The following MTMR2 variants were observed in gnomAD, a reference collection of about 807,000 sequenced individuals.
MTMR2 encodes myotubularin related protein 2.
In MTMR2, 55 loss-of-function variants were observed where a neutral mutation model predicts 86.9. The ratio of observed to expected loss-of-function variants is 0.63; its 90% CI spans 0.51 to 0.79. The LOEUF (loss-of-function observed/expected upper bound fraction) is 0.79. MTMR2 is among the 30% of genes least tolerant of loss of function. MTMR2 has a pLI of 0.00. For missense variants in MTMR2, 659 were observed against 772.3 expected (o/e 0.85, Z 1.74); for synonymous variants, 241 against 266.8 (o/e 0.90, Z 0.94).
intron 11 of MTMR2, 139 bp from the exon 12 acceptor site, chr11:95,841,848 C>T: frequency 1.4e-6 from 1 of 709,942 alleles, no homozygotes; most frequent in East Asian, 2.7e-5. Context: ...GTAATCCCAA[C>T]ACTTTGGGAG....
chr11:95,845,937 C>T (rs1049093645), intron 10 of MTMR2, among the ~76,000 whole-genome samples: 1 of 146,334 alleles, frequency 6.8e-6, no homozygotes, highest in Non-Finnish European at 1.5e-5. Context: ...CTGCAATGGC[C>T]ATATTGTATT....
chr11:95,845,585 A>C (rs1863751726), intron 10 of MTMR2, among the ~76,000 whole-genome samples: 1 of 152,146 alleles, frequency 6.6e-6, no homozygotes, highest in Admixed American at 6.6e-5. Flanking sequence ...GAAAGCAATA[A>C]TACTGGATCT....
intron 12 of MTMR2, among the ~76,000 whole-genome samples, chr11:95,839,346 A>G (rs1863435909): frequency 6.6e-6 from 1 of 152,016 alleles, no homozygotes; most frequent in Admixed American, 6.6e-5. Context: ...TAAAAAATAA[A>G]TCCCACCTAT....
At chr11:95,865,757 G>T in intron 2 of MTMR2, 81 bp from the exon 3 acceptor site, 1 of 1,151,094 alleles carries the variant, frequency 8.7e-7, no homozygotes, top group Non-Finnish European at 1.3e-6. Flanking sequence ...GAGTATACTT[G>T]CTCTTGAAGT....
At chr11:95,856,510 T>G (rs1011672651) in intron 7 of MTMR2, among the ~76,000 whole-genome samples, 6 of 151,306 alleles carry the variant, frequency 4.0e-5, no homozygotes, top group African/African-American at 1.5e-4. Context: ...TTAGACCTTT[T>G]AGTTGACTCA....
rs555480785 is a variant in MTMR2, at chr11:95,857,134, A to G, written c.654+418T>C. Among the ~76,000 whole-genome samples, 12 of 152,238 alleles carry G rather than the reference A, an allele frequency of 7.9e-5. No homozygotes were observed. The South Asian group carries it at 2.5e-3, about 32-fold the overall frequency. ...AAAACCACAATAAATTAGAAATGTT[A>G]TAATTAAAATGCTACGTTTGAAATT... On this transcript the variant is annotated intron_variant, in intron 7 of 14. Transcript: ENST00000346299.
rs943416347 is a variant in MTMR2 at position 95,885,596 on chromosome 11, T to A, written c.186+2560A>T. The stretch of plus-strand genomic sequence containing the variant: ...TGTAACAAAAAGTATAAAATAAATA[T>A]CCATGAGTCCATAATAAGATAAATA... On this transcript the variant is annotated intron_variant, in intron 2 of 14. Coordinates refer to ENST00000346299, the MANE Select transcript of MTMR2 (RefSeq NM_016156.6). 1.3e-5 allele frequency among the ~76,000 whole-genome samples: 2 copies of A among 151,866 alleles called. 1 individual carries two copies. The highest frequency in any genetic ancestry group is 4.2e-4 in the South Asian group (2 of 4,812).
chr11:95,886,640 C>T (rs1253375004), intron 2 of MTMR2, among the ~76,000 whole-genome samples: 1 of 152,116 alleles, frequency 6.6e-6, no homozygotes, highest in Non-Finnish European at 1.5e-5. Context: ...CAGGAAACAG[C>T]AGGTAGGATA....
intron 1 of MTMR2, among the ~76,000 whole-genome samples, chr11:95,904,711 C>T (rs1006849114): frequency 6.6e-6 from 1 of 152,174 alleles, no homozygotes; most frequent in Non-Finnish European, 1.5e-5. Flanking sequence ...CAAGCCACAG[C>T]CCTTGGGGCT....
At chr11:95,906,868 C>T (rs576632028) in intron 1 of MTMR2, among the ~76,000 whole-genome samples, 152 of 152,080 alleles carry the variant, frequency 1.0e-3, no homozygotes, top group Non-Finnish European at 1.6e-3. Flanking sequence ...TATGAGACAT[C>T]GCTAAAGCAG....
At chr11:95,902,177 T>C (rs1866097896) in intron 1 of MTMR2, among the ~76,000 whole-genome samples, 1 of 152,206 alleles carries the variant, frequency 6.6e-6, no homozygotes. Flanking sequence ...TCTCAGTTTC[T>C]TTCTATGTAA....
chr11:95,871,353 C>G (rs1205904146), intron 2 of MTMR2, among the ~76,000 whole-genome samples: 2 of 152,158 alleles, frequency 1.3e-5, no homozygotes, highest in Non-Finnish European at 2.9e-5. Flanking sequence ...CAGTCCCCAC[C>G]AACAGTGTAA....
intron 2 of MTMR2, among the ~76,000 whole-genome samples, chr11:95,882,851 T>C (rs1865381525): frequency 6.8e-6 from 1 of 146,958 alleles, no homozygotes; most frequent in African/African-American, 2.5e-5. Flanking sequence ...GCCTCCCGAG[T>C]AGCTGGGACT....
At chr11:95,844,431 C>T (rs981029119) in intron 11 of MTMR2, among the ~76,000 whole-genome samples, 11 of 152,120 alleles carry the variant, frequency 7.2e-5, no homozygotes, top group African/African-American at 1.7e-4. Flanking sequence ...ATGCAGGATG[C>T]GGAACCCACA....
intron 9 of MTMR2, among the ~76,000 whole-genome samples, chr11:95,848,675 C>G (rs949299273): frequency 4.6e-5 from 7 of 152,074 alleles, no homozygotes; most frequent in Non-Finnish European, 4.4e-5. Context: ...AATACTGGAG[C>G]AGTAAATTAT....
At chr11:95,883,144 G>C (rs2135536509) in intron 2 of MTMR2, among the ~76,000 whole-genome samples, 1 of 152,082 alleles carries the variant, frequency 6.6e-6, no homozygotes, top group East Asian at 1.9e-4. Flanking sequence ...TACATAGCTT[G>C]ACTTTTATCT....
chr11:95,908,728 G>GC (rs1866386426), intron 1 of MTMR2, among the ~76,000 whole-genome samples: 1 of 152,082 alleles, frequency 6.6e-6, no homozygotes, highest in South Asian at 2.1e-4. Flanking sequence ...GCTGACAAAT[G>GC]CAAGCATTGG....
intron 1 of MTMR2, among the ~76,000 whole-genome samples, chr11:95,894,714 AG>A (rs1014657864): frequency 1.3e-5 from 2 of 152,192 alleles, no homozygotes; most frequent in African/African-American, 4.8e-5. Flanking sequence ...GAAATTTTGA[AG>A]AAAAAGAACT....
At chr11:95,877,331 C>CTTTT (rs1565368414) in intron 2 of MTMR2, among the ~76,000 whole-genome samples, 7,355 of 93,604 alleles carry the variant, frequency 0.079, 1,458 homozygotes, top group African/African-American at 0.14. Context: ...ACAGGGAAGC[C>CTTTT]CTTTTTTTTT....
Sources: gnomAD v4.1 joint callset for allele counts (sites outside exome capture counted in the v4.1 genomes callset) on GRCh38, gnomAD v4.1.1 for gene constraint, MANE v1.5 for transcripts, NCBI Gene and HGNC (gene_info 2026-07-23, HGNC 2026-07-21) for gene names.